The following ACSL5 variants were observed in gnomAD, a reference collection of about 807,000 sequenced individuals.
ACSL5 encodes the protein long-chain-fatty-acid--CoA ligase 5.
A neutral mutation model predicts 84.9 loss-of-function variants in ACSL5; 50 were observed. That is an observed-to-expected ratio of 0.59 (90% CI 0.47 to 0.75). The LOEUF (loss-of-function observed/expected upper bound fraction) is 0.75, where lower values mean the gene tolerates loss of function less well. ACSL5 is among the 30% of genes least tolerant of loss of function. ACSL5 has a pLI of 0.00. For missense variants in ACSL5, 775 were observed against 830.4 expected, an observed-to-expected ratio of 0.93 and a Z score of 0.82; for synonymous variants, 280 against 300.7, an observed-to-expected ratio of 0.93 and a Z score of 0.71.
chr10:112,418,308 A>G (rs1844365503), intron 14 of ACSL5, among the ~76,000 whole-genome samples: 1 of 152,158 alleles, frequency 6.6e-6, no homozygotes, highest in Non-Finnish European at 1.5e-5. Context: ...CTAGCCGGGC[A>G]TGGTGGCTCA....
intron 1 of ACSL5, among the ~76,000 whole-genome samples, chr10:112,379,344 G>A (rs1849303261): frequency 6.6e-6 from 1 of 151,156 alleles, no homozygotes; most frequent in Admixed American, 6.6e-5. Flanking sequence ...GGCGGAGGTT[G>A]CAGTGAGCTG....
chr10:112,407,831 T>C (rs1288969079), intron 5 of ACSL5, among the ~76,000 whole-genome samples: 1 of 152,190 alleles, frequency 6.6e-6, no homozygotes, highest in Non-Finnish European at 1.5e-5. Context: ...TTGAAAGTGA[T>C]CTCTGACACC....
chr10:112,395,143 A>T, intron 2 of ACSL5, 41 bp downstream of exon 2: 1 of 1,583,158 alleles, frequency 6.3e-7, no homozygotes, highest in Non-Finnish European at 8.7e-7. Flanking sequence ...AACCTTCCTC[A>T]AACTCAAACT....
chr10:112,378,207 A>AAG (rs2133555786), intron 1 of ACSL5, among the ~76,000 whole-genome samples: 1 of 148,528 alleles, frequency 6.7e-6, no homozygotes, highest in African/African-American at 2.5e-5. Context: ...ATATTTAATC[A>AAG]AGACAATCTT....
intron 1 of ACSL5, among the ~76,000 whole-genome samples, chr10:112,392,864 A>T (rs1843673581): frequency 6.6e-6 from 1 of 151,828 alleles, no homozygotes; most frequent in African/African-American, 2.4e-5. Context: ...GCAGTGAGCC[A>T]GAGTTGTGCC....
chr10:112,404,134 G>A (rs1843973102), intron 3 of ACSL5, among the ~76,000 whole-genome samples: 1 of 152,152 alleles, frequency 6.6e-6, no homozygotes, highest in Non-Finnish European at 1.5e-5. Flanking sequence ...TTTTATTGTA[G>A]GGAAGTTCAA....
rs556323648 is a variant in ACSL5, at chr10:112,380,030, G to T, written c.-30+5761G>T. Among the ~76,000 whole-genome samples, 3 of 152,280 alleles carry T rather than the reference G, an allele frequency of 2.0e-5. No homozygotes were observed. In the East Asian group the frequency reaches 5.8e-4, roughly 29 times the overall value. On this transcript the variant is annotated intron_variant, in intron 1 of 20. Transcript: ENST00000354655. ...TCAGATCCAGTGGACTTCTGACACT[G>T]CTTCTTCTTACCCCAGTTCTGTCAT... is the stretch of plus-strand genomic sequence containing the variant.
At chr10:112,389,126 A>G (rs1034755200) in intron 1 of ACSL5, among the ~76,000 whole-genome samples, 6 of 152,250 alleles carry the variant, frequency 3.9e-5, no homozygotes, top group African/African-American at 1.4e-4. Flanking sequence ...AGGAGACTAA[A>G]TGAAGACATG....
Position 112,428,109 on chromosome 10 carries a change from T to C in ACSL5, c.*751T>C, listed in dbSNP as rs1467898779. ...AAATCTGTTCCCTACAGTTTGCTGCTGAGCTGGAAGCTGTGGGGGAAGGAG... is the reference window on the plus strand; with the variant it reads ...AAATCTGTTCCCTACAGTTTGCTGCCGAGCTGGAAGCTGTGGGGGAAGGAG... On this transcript the variant is annotated 3_prime_UTR_variant, in exon 21 of 21. Transcript: ENST00000354655. The C allele has an allele frequency of 1.1e-5, 3 of 261,932 alleles. No homozygotes were observed. Among genetic ancestry groups the C allele is most frequent in the Non-Finnish European group, 2.1e-5 (3 of 139,694 alleles). 16.2% of individuals were successfully genotyped at this position (261,932 alleles called of 1,614,324 possible).
chr10:112,417,080 C>T, intron 13 of ACSL5, 58 bp downstream of exon 13: 1 of 1,572,818 alleles, frequency 6.4e-7, no homozygotes, highest in South Asian at 1.1e-5. Context: ...CTTCTGACTC[C>T]TTAGACCTTG....
Position 112,410,540 on chromosome 10 carries a change from C to G in ACSL5, c.745-44C>G, listed in dbSNP as rs536216472. 2.5e-6 allele frequency: 4 copies of G among 1,614,182 alleles called. 1 individual carries two copies. In the South Asian group the frequency reaches 4.4e-5, roughly 18 times the overall value. ...AATTTGAGCCTTGCCATAGTCAACT[C>G]TCAAAGTTCATGGTGGAATAAGCCC... On this transcript the variant is annotated intron_variant, in intron 8 of 20. Transcript: ENST00000354655.
chr10:112,404,133 A>G (rs1321862018), intron 3 of ACSL5, among the ~76,000 whole-genome samples: 1 of 152,204 alleles, frequency 6.6e-6, no homozygotes, highest in Non-Finnish European at 1.5e-5. Context: ...TTTTTATTGT[A>G]GGGAAGTTCA....
At position 112,393,314 on chromosome 10, in the gene ACSL5, G is replaced by A. The variant is rs117750173; in HGVS notation, c.-29-1604G>A. Among the ~76,000 whole-genome samples, 310 of 152,252 alleles carry A rather than the reference G, an allele frequency of 2.0e-3. 12 individuals carry two copies. In the East Asian group the frequency reaches 0.05, roughly 25 times the overall value. On this transcript the variant is annotated intron_variant, in intron 1 of 20. Transcript: ENST00000354655. Reference sequence around the variant, plus strand: ...GCAATATGGAAAGAACCAAGGAGTTGAGGACTATTATCCCAGTTTCTGGAA... The same window carrying A: ...GCAATATGGAAAGAACCAAGGAGTTAAGGACTATTATCCCAGTTTCTGGAA...
At chr10:112,383,760 A>C (rs1218719822) in intron 1 of ACSL5, among the ~76,000 whole-genome samples, 1 of 152,164 alleles carries the variant, frequency 6.6e-6, no homozygotes, top group Non-Finnish European at 1.5e-5. Context: ...AGAACTTTCT[A>C]AATTAGCTGC....
Position 112,426,293 on chromosome 10 carries a change from T to G in ACSL5, c.1773T>G (p.Asp591Glu), listed in dbSNP as rs1293806459. The G allele has an allele frequency of 5.6e-6, 9 of 1,614,184 alleles. No individual in the cohort carries two copies. The highest frequency in any genetic ancestry group is 5.0e-5 in the Admixed American group (3 of 60,032). Residue 591 changes from aspartate to glutamate, a missense_variant, in exon 19 of 21, where the codon GAT becomes GAG. Asp to Glu is a conservative substitution (Grantham distance 45). Transcript: ENST00000354655. ...SLVGVVVPDT[D>E]VLPSFAAKLG... ...TAGGAGTGGTGGTTCCTGACACAGA[T>G]GTACTTCCCTCATTTGCAGCCAAGC... is the stretch of plus-strand genomic sequence containing the variant.
Position 112,400,406 on chromosome 10 carries a change from C to CTTTTTTTTTTTTTT in ACSL5, c.265+1405_265+1418dup, listed in dbSNP as rs573644087. 8.2e-3 allele frequency among the ~76,000 whole-genome samples: 809 copies of CTTTTTTTTTTTTTT among 98,742 alleles called. 7 individuals carry two copies. The highest frequency in any genetic ancestry group is 0.01 in the Middle Eastern group (1 of 98). The allele number at this position is 98,742 out of a possible 152,430, so 64.8% of individuals were successfully genotyped here. A position where few individuals can be genotyped will look rare whatever the true frequency, so the allele number is the denominator to read the frequency against. ...AATTTTTTTTTCCTTTTTTTCTTTT[C>CTTTTTTTTTTTTTT]TTTTTTTTTTTTTTTTTTTTTGAGA... On this transcript the variant is annotated intron_variant, in intron 3 of 20. Coordinates refer to ENST00000354655, the MANE Select transcript of ACSL5 (RefSeq NM_203379.2).
chr10:112,374,407 GAAT>G (rs1410053884), intron 1 of ACSL5, 138 bp downstream of exon 1: 2 of 152,106 alleles, frequency 1.3e-5, no homozygotes, highest in Non-Finnish European at 2.9e-5. Flanking sequence ...ACATTTAGTT[GAAT>G]AGTAATCTCA....
intron 17 of ACSL5, 160 bp from the exon 18 acceptor site, chr10:112,425,178 T>C: frequency 1.7e-6 from 1 of 584,042 alleles, no homozygotes; most frequent in Non-Finnish European, 2.9e-6. Context: ...GATGCTTCCC[T>C]CCCCTTTCAC....
rs1308077801 is a variant in ACSL5 at position 112,379,099 on chromosome 10, T to C, written c.-30+4830T>C. On this transcript the variant is annotated intron_variant, in intron 1 of 20. Transcript: ENST00000354655. The stretch of plus-strand genomic sequence containing the variant: ...GTTCCCTACAACTAGAAGTGCTCTG[T>C]TTAAATAGAAATGAGGGCTTGTTGG... 2.6e-5 allele frequency among the ~76,000 whole-genome samples: 4 copies of C among 152,266 alleles called. No individual in the cohort carries two copies. In the East Asian group the frequency reaches 7.7e-4, roughly 29 times the overall value.
Sources: gnomAD v4.1 joint callset for allele counts (sites outside exome capture counted in the v4.1 genomes callset) on GRCh38, gnomAD v4.1.1 for gene constraint, MANE v1.5 for transcripts, NCBI Gene and HGNC (gene_info 2026-07-23, HGNC 2026-07-21) for gene names.